Variants in DNAH11 observed in about 807,000 individuals in gnomAD.
DNAH11 encodes the protein dynein axonemal heavy chain 11, also known as axonemal beta dynein heavy chain 11.
In DNAH11, 442 loss-of-function variants were observed where a neutral mutation model predicts 526.0. That is an observed-to-expected ratio of 0.84 (90% CI 0.78 to 0.91). The LOEUF (loss-of-function observed/expected upper bound fraction) is 0.91. DNAH11 is among the 40% of genes least tolerant of loss of function. DNAH11 has a pLI of 0.00. For missense variants in DNAH11, 6,989 were observed against 5,448.7 expected (o/e 1.28, Z -8.90); for synonymous variants, 2,461 against 1,935.9 (o/e 1.27, Z -7.12).
chr7:21,839,480 C>A (rs867015764), intron 65 of DNAH11, among the ~76,000 whole-genome samples: 2 of 151,266 alleles, frequency 1.3e-5, no homozygotes, highest in African/African-American at 4.9e-5. Context: ...GAGGCTGAGG[C>A]AGGAAAATGG....
chr7:21,873,910 C>T (rs1332279472), intron 74 of DNAH11, among the ~76,000 whole-genome samples: 2 of 150,384 alleles, frequency 1.3e-5, no homozygotes, highest in Non-Finnish European at 3.0e-5. Context: ...CCTGCCTCAG[C>T]CTCCTGAGTA....
intron 28 of DNAH11, among the ~76,000 whole-genome samples, chr7:21,655,417 A>G (rs990322426): frequency 1.3e-5 from 2 of 152,168 alleles, no homozygotes; most frequent in Non-Finnish European, 2.9e-5. Flanking sequence ...ATTCTTTCTA[A>G]TTGACATTTT....
intron 35 of DNAH11, 22 bp from the exon 36 acceptor site, chr7:21,698,053 A>G (rs766198092): frequency 1.3e-6 from 2 of 1,592,904 alleles, no homozygotes; most frequent in Admixed American, 3.6e-5. Flanking sequence ...TTTTAAAACT[A>G]AAATTCTTAT....
intron 8 of DNAH11, among the ~76,000 whole-genome samples, chr7:21,580,578 C>T (rs536630379): frequency 6.6e-6 from 1 of 152,278 alleles, no homozygotes; most frequent in South Asian, 2.1e-4. Flanking sequence ...CTGAGAAGTC[C>T]AAGAGCAAGG....
At chr7:21,695,165 T>C (rs117884992) in intron 35 of DNAH11, among the ~76,000 whole-genome samples, 14,050 of 152,294 alleles carry the variant, frequency 0.092, 803 homozygotes, top group East Asian at 0.21. Context: ...ATGGCCATAC[T>C]GTTCAAAGTA....
chr7:21,644,258 C>T (rs1421574255), intron 28 of DNAH11, among the ~76,000 whole-genome samples: 1 of 152,048 alleles, frequency 6.6e-6, no homozygotes, highest in Non-Finnish European at 1.5e-5. Flanking sequence ...CCCACATTCC[C>T]ACAAGCACAG....
intron 62 of DNAH11, among the ~76,000 whole-genome samples, chr7:21,802,253 G>T (rs7799928): frequency 3.9e-5 from 6 of 152,112 alleles, no homozygotes; most frequent in Admixed American, 2.6e-4. Flanking sequence ...TCCATTAGTC[G>T]TTAGAGAAAT....
At position 21,600,890 on chromosome 7, in the gene DNAH11, T is replaced by G; in HGVS notation, c.3215T>G (p.Ile1072Ser). Residue 1072 changes from isoleucine (I) to serine (S), a missense_variant, in exon 16 of 82, where the codon ATT becomes AGT. Coordinates refer to ENST00000409508, the MANE Select transcript of DNAH11 (RefSeq NM_001277115.2). ...DEMDAHANEE[I>S]PEQPPTLEQF... ...ATGGATGCTCATGCAAATGAAGAAATTCCCGAACAACCACCAACTCTTGAG... is the reference window on the plus strand; with the variant it reads ...ATGGATGCTCATGCAAATGAAGAAAGTCCCGAACAACCACCAACTCTTGAG... 3.1e-6 allele frequency: 5 copies of G among 1,613,880 alleles called. No individual in the cohort carries two copies. The highest frequency in any genetic ancestry group is 4.2e-6 in the Non-Finnish European group (5 of 1,179,832).
rs182940664 is a variant in DNAH11, at chr7:21,624,376, A to G, written c.4500+4298A>G. 1.8e-3 allele frequency among the ~76,000 whole-genome samples: 280 copies of G among 152,306 alleles called. 1 individual carries two copies. Among genetic ancestry groups the G allele is most frequent in the Middle Eastern group, 0.017 (5 of 294 alleles). On this transcript the variant is annotated intron_variant, in intron 25 of 81. Coordinates refer to ENST00000409508, the MANE Select transcript of DNAH11 (RefSeq NM_001277115.2). ...CTTTTTCAGATAGTTTGTTGTTAGT[A>G]TAAAAGAATGCTGATTTTTGTGTGT...
intron 44 of DNAH11, among the ~76,000 whole-genome samples, chr7:21,725,310 T>G (rs1345908045): frequency 6.6e-6 from 1 of 152,162 alleles, no homozygotes; most frequent in Non-Finnish European, 1.5e-5. Context: ...TCAGTAATGA[T>G]GTGTAGGAAT....
chr7:21,561,246 A>G (rs1168357602), intron 5 of DNAH11, 76 bp downstream of exon 5: 1 of 1,044,192 alleles, frequency 9.6e-7, no homozygotes, highest in African/African-American at 1.6e-5. Context: ...CTCGGCCTTG[A>G]TATTTACCCT....
chr7:21,636,420 G>C (rs1480180631), intron 26 of DNAH11, among the ~76,000 whole-genome samples: 1 of 151,976 alleles, frequency 6.6e-6, no homozygotes, highest in Admixed American at 6.6e-5. Context: ...AAAATACACT[G>C]TTTTTTATTT....
At chr7:21,865,508 G>A (rs1783238685) in intron 70 of DNAH11, among the ~76,000 whole-genome samples, 1 of 152,092 alleles carries the variant, frequency 6.6e-6, no homozygotes, top group African/African-American at 2.4e-5. Context: ...CAGGGGATGG[G>A]GAAGGAAAAA....
intron 65 of DNAH11, among the ~76,000 whole-genome samples, chr7:21,838,373 A>G (rs1156656342): frequency 3.9e-5 from 6 of 152,194 alleles, no homozygotes; most frequent in South Asian, 4.1e-4. Flanking sequence ...TTTTGGTAGC[A>G]TCCTTATCAA....
chr7:21,728,998 G>A (rs1785260277), intron 45 of DNAH11, among the ~76,000 whole-genome samples: 1 of 152,256 alleles, frequency 6.6e-6, no homozygotes, highest in Admixed American at 6.5e-5. Flanking sequence ...GGGGCACTGG[G>A]CGGTAGCATC....
chr7:21,736,108 C>T (rs1785597852), intron 46 of DNAH11, among the ~76,000 whole-genome samples: 1 of 152,064 alleles, frequency 6.6e-6, no homozygotes, highest in Admixed American at 6.6e-5. Flanking sequence ...AATGTGTTAC[C>T]TCGAAACCAC....
intron 68 of DNAH11, among the ~76,000 whole-genome samples, chr7:21,858,120 C>T (rs891796505): frequency 6.6e-6 from 1 of 152,096 alleles, no homozygotes; most frequent in African/African-American, 2.4e-5. Flanking sequence ...GAATTATCCA[C>T]AAGCACATTA....
At chr7:21,884,268 T>A (rs554456436) in intron 75 of DNAH11, 23 bp from the exon 76 acceptor site, 1 of 1,590,324 alleles carries the variant, frequency 6.3e-7, no homozygotes, top group Non-Finnish European at 8.6e-7. Flanking sequence ...CAGCAGTGAA[T>A]ATTTGTGTGG....
At chr7:21,635,357 C>T (rs937607616) in intron 25 of DNAH11, among the ~76,000 whole-genome samples, 5 of 152,178 alleles carry the variant, frequency 3.3e-5, no homozygotes, top group African/African-American at 9.7e-5. Flanking sequence ...GGGGTTTTAC[C>T]GTGTTAGCCA....
Sources: allele counts gnomAD v4.1 joint callset (sites outside exome capture counted in the v4.1 genomes callset), GRCh38; gene constraint gnomAD v4.1.1; transcripts MANE v1.5; gene names NCBI Gene and HGNC (gene_info 2026-07-23, HGNC 2026-07-21).